ROBO1: variants seen among roughly 807,000 people sequenced by gnomAD.
ROBO1 encodes the protein roundabout homolog 1.
In ROBO1, 149 loss-of-function variants were observed where a neutral mutation model predicts 195.9. The observed-to-expected ratio is 0.76, with a 90% CI of 0.67 to 0.87. The LOEUF (loss-of-function observed/expected upper bound fraction) is 0.87. Among genes scored for constraint, ROBO1 ranks in the 40% least tolerant of loss-of-function variants. The pLI is 0.00. For synonymous variants in ROBO1, 816 were observed against 733.2 expected (o/e 1.11, Z -1.82); for missense variants, 1,933 against 2,068.3 (o/e 0.93, Z 1.27).
At chr3:79,609,206 C>T (rs534977871) in intron 1 of ROBO1, among the ~76,000 whole-genome samples, 108 of 151,512 alleles carry the variant, frequency 7.1e-4, no homozygotes, top group African/African-American at 2.5e-3. Context: ...TAAAAAGGCC[C>T]GCCTTACCAA....
chr3:78,920,068 A>G (rs2038849550), intron 4 of ROBO1, among the ~76,000 whole-genome samples: 1 of 152,236 alleles, frequency 6.6e-6, no homozygotes, highest in Admixed American at 6.5e-5. Context: ...AACAAATAGG[A>G]AAATGTAAAT....
chr3:79,365,571 C>T (rs547656342), intron 2 of ROBO1, among the ~76,000 whole-genome samples: 1 of 152,258 alleles, frequency 6.6e-6, no homozygotes, highest in African/African-American at 2.4e-5. Flanking sequence ...TGCAGCTGCA[C>T]TTCTATTTTT....
At chr3:79,690,301 A>T (rs1367308855) in intron 1 of ROBO1, among the ~76,000 whole-genome samples, 1 of 151,976 alleles carries the variant, frequency 6.6e-6, no homozygotes, top group Non-Finnish European at 1.5e-5. Flanking sequence ...ACAAATCCTA[A>T]AAAGCAAAGA....
intron 21 of ROBO1, among the ~76,000 whole-genome samples, chr3:78,645,140 T>C (rs2107588220): frequency 6.6e-6 from 1 of 152,260 alleles, no homozygotes; most frequent in African/African-American, 2.4e-5. Flanking sequence ...AACAGGAAGT[T>C]AGCAATACCC....
intron 17 of ROBO1, 32 bp from the exon 18 acceptor site, chr3:78,657,301 G>A: frequency 6.2e-7 from 1 of 1,607,770 alleles, no homozygotes; most frequent in Admixed American, 1.7e-5. Context: ...AATCAAGCTG[G>A]TAAATTACCT....
At chr3:79,741,481 C>T (rs934064522) in intron 1 of ROBO1, among the ~76,000 whole-genome samples, 3 of 152,106 alleles carry the variant, frequency 2.0e-5, no homozygotes, top group African/African-American at 7.2e-5. Flanking sequence ...AAAAAATTAT[C>T]CTGTAAACAA....
chr3:79,368,407 A>G (rs972470658), intron 2 of ROBO1, among the ~76,000 whole-genome samples: 5 of 152,120 alleles, frequency 3.3e-5, no homozygotes, highest in Non-Finnish European at 7.4e-5. Context: ...TATTACTACC[A>G]TCTGCGCATT....
rs759163437 is a variant in ROBO1, at chr3:78,647,618, CA to C, written c.2839+10del. ...ACAATGGAAAGGAGGAGGGTAAGTG[CA>C]AATATATACCTGTTGGTGTGAAGGT... On this transcript the variant is annotated intron_variant, in intron 20 of 30. Transcript: ENST00000464233. The C allele has an allele frequency of 9.3e-6, 15 of 1,610,136 alleles. No homozygotes were observed. The South Asian group carries it at 1.6e-4, about 18-fold the overall frequency.
intron 2 of ROBO1, among the ~76,000 whole-genome samples, chr3:79,297,704 G>T (rs1020242996): frequency 6.6e-6 from 1 of 152,120 alleles, no homozygotes; most frequent in Admixed American, 6.6e-5. Flanking sequence ...AAAAGAAATT[G>T]TTCTAAATAT....
At chr3:79,119,183 C>T (rs572583090) in intron 3 of ROBO1, among the ~76,000 whole-genome samples, 2 of 152,172 alleles carry the variant, frequency 1.3e-5, no homozygotes, top group East Asian at 1.9e-4. Context: ...CACAATTAAC[C>T]TTTAATTTTT....
chr3:79,225,879 G>C (rs371625620), intron 2 of ROBO1, among the ~76,000 whole-genome samples: 1 of 152,060 alleles, frequency 6.6e-6, no homozygotes, highest in South Asian at 2.1e-4. Context: ...CCCCATCCAG[G>C]ATACCATGGT....
At chr3:79,180,638 G>A (rs1459566009) in intron 2 of ROBO1, among the ~76,000 whole-genome samples, 5 of 152,154 alleles carry the variant, frequency 3.3e-5, no homozygotes, top group South Asian at 2.1e-4. Context: ...TTGTTGTGAG[G>A]ATTAAATAAG....
intron 21 of ROBO1, among the ~76,000 whole-genome samples, chr3:78,643,121 CA>C (rs1428004330): frequency 6.6e-6 from 1 of 152,126 alleles, no homozygotes; most frequent in Non-Finnish European, 1.5e-5. Context: ...TTGTCAGAGG[CA>C]ATCATATCCA....
chr3:79,227,042 T>C (rs1021087068), intron 2 of ROBO1, among the ~76,000 whole-genome samples: 1 of 152,228 alleles, frequency 6.6e-6, no homozygotes, highest in Non-Finnish European at 1.5e-5. Flanking sequence ...TGGATAAAAT[T>C]GCCAGTACTT....
intron 2 of ROBO1, among the ~76,000 whole-genome samples, chr3:79,579,366 G>C (rs1298894806): frequency 6.6e-6 from 1 of 152,128 alleles, no homozygotes; most frequent in Non-Finnish European, 1.5e-5. Flanking sequence ...CAGACTTACA[G>C]GTTCTTGTGA....
intron 2 of ROBO1, among the ~76,000 whole-genome samples, chr3:79,330,671 G>GAAAAAA (rs34923136): frequency 1.3e-5 from 1 of 77,398 alleles, no homozygotes; most frequent in Non-Finnish European, 2.3e-5. Flanking sequence ...GGAACTTAGG[G>GAAAAAA]AAAAAAAAAA....
chr3:79,249,771 C>T (rs552407009), intron 2 of ROBO1, among the ~76,000 whole-genome samples: 3 of 152,234 alleles, frequency 2.0e-5, no homozygotes, highest in South Asian at 2.1e-4. Context: ...TGGACATAGA[C>T]GTATTCTAGG....
At chr3:79,096,687 C>T (rs1008858743) in intron 3 of ROBO1, among the ~76,000 whole-genome samples, 19 of 149,646 alleles carry the variant, frequency 1.3e-4, no homozygotes, top group African/African-American at 2.2e-4. Flanking sequence ...TGTGTGTATA[C>T]GTACACACAT....
intron 2 of ROBO1, among the ~76,000 whole-genome samples, chr3:79,403,521 A>G (rs1281255285): frequency 6.6e-6 from 1 of 152,016 alleles, no homozygotes; most frequent in Admixed American, 6.6e-5. Flanking sequence ...TTCAAATGGC[A>G]AATAATAGGT....
Sources: allele counts gnomAD v4.1 joint callset (sites outside exome capture counted in the v4.1 genomes callset), GRCh38; gene constraint gnomAD v4.1.1; transcripts MANE v1.5; gene names NCBI Gene and HGNC (gene_info 2026-07-23, HGNC 2026-07-21).